The following TMEM108 variants were observed in gnomAD, a reference collection of about 807,000 sequenced individuals.
TMEM108 encodes the protein cancer/testis antigen 124.
In TMEM108, 12 loss-of-function variants were observed where a neutral mutation model predicts 35.1. The observed-to-expected ratio is 0.34, with a 90% CI of 0.22 to 0.55. The LOEUF (loss-of-function observed/expected upper bound fraction) is 0.55. Ranked by LOEUF, TMEM108 falls within the 20% of genes least tolerant of loss-of-function variation. TMEM108 has a pLI of 0.89. For synonymous variants in TMEM108, 287 were observed against 308.6 expected (o/e 0.93, Z 0.73); for missense variants, 680 against 753.3 (o/e 0.90, Z 1.14).
rs187753807 is a variant in TMEM108 at position 133,167,889 on chromosome 3, G to A, written c.-46-61377G>A. On this transcript the variant is annotated intron_variant, in intron 2 of 5. Transcript: ENST00000321871. ...CTCAAGTGTGGCCAGAGTGGGCACC[G>A]AGGCTGAGGAGGCACCGAGAGCGAG... Among the ~76,000 whole-genome samples the A allele has an allele frequency of 8.4e-3, 1,286 of 152,232 alleles. 25 individuals are homozygous for A. The highest frequency in any genetic ancestry group is 0.029 in the African/African-American group (1,190 of 41,532).
chr3:133,392,889 G>A (rs1354522591), intron 5 of TMEM108, among the ~76,000 whole-genome samples: 1 of 152,178 alleles, frequency 6.6e-6, no homozygotes, highest in Non-Finnish European at 1.5e-5. Context: ...CTTGCCTTCT[G>A]CAGTCTGCCC....
At chr3:133,166,850 C>T (rs1242748584) in intron 2 of TMEM108, among the ~76,000 whole-genome samples, 1 of 152,220 alleles carries the variant, frequency 6.6e-6, no homozygotes, top group Non-Finnish European at 1.5e-5. Flanking sequence ...GCTTAGGCAG[C>T]CTGCTTTTAT....
chr3:133,054,619 C>T (rs1943443839), intron 2 of TMEM108, among the ~76,000 whole-genome samples: 1 of 152,168 alleles, frequency 6.6e-6, no homozygotes, highest in Non-Finnish European at 1.5e-5. Context: ...TCACTTTCTC[C>T]CTGAACTTGG....
intron 2 of TMEM108, among the ~76,000 whole-genome samples, chr3:133,222,080 AG>A (rs1946000645): frequency 6.6e-6 from 1 of 152,172 alleles, no homozygotes; most frequent in Admixed American, 6.5e-5. Flanking sequence ...AACTCCCTTT[AG>A]CAGTTCTTGT....
At chr3:133,050,613 T>C (rs1943392905) in intron 2 of TMEM108, among the ~76,000 whole-genome samples, 1 of 152,080 alleles carries the variant, frequency 6.6e-6, no homozygotes, top group African/African-American at 2.4e-5. Context: ...ATCATTATAG[T>C]CTATAGGTAT....
chr3:133,381,049 C>G lies in TMEM108; in HGVS notation c.1338C>G (p.Asn446Lys). The change falls in exon 4 of 6, where the codon AAC (asparagine) becomes AAG (lysine). Residue 446 changes from asparagine to lysine, a missense_variant. This residue lies in a region of TMEM108 where 526 missense variants were observed against 532.1 expected (regional missense o/e 0.99). Transcript: ENST00000321871. ...AGTWKPGTAGNISHVAEGDKP... is the reference protein window; with the variant it reads ...AGTWKPGTAGKISHVAEGDKP... ...CCTGGAAGCCTGGGACAGCAGGGAA[C>G]ATCTCCCATGTGGCCGAGGGGGACA... The G allele has an allele frequency of 6.2e-7, 1 of 1,614,232 alleles. No homozygotes were observed. Among genetic ancestry groups the G allele is most frequent in the East Asian group, 2.2e-5 (1 of 44,876 alleles).
At chr3:133,146,598 C>T (rs140954665) in intron 2 of TMEM108, among the ~76,000 whole-genome samples, 2 of 152,008 alleles carry the variant, frequency 1.3e-5, no homozygotes, top group East Asian at 1.9e-4. Context: ...TGGTCATGGG[C>T]TTTTTTTAGT....
At chr3:133,322,386 T>G (rs1400903394) in intron 3 of TMEM108, among the ~76,000 whole-genome samples, 1 of 152,232 alleles carries the variant, frequency 6.6e-6, no homozygotes, top group East Asian at 1.9e-4. Flanking sequence ...TCAACACTAC[T>G]ATGAACACCT....
At chr3:133,160,688 C>G (rs17361745) in intron 2 of TMEM108, among the ~76,000 whole-genome samples, 15,969 of 152,256 alleles carry the variant, frequency 0.1, 1,021 homozygotes, top group South Asian at 0.17. Context: ...GCTAACCTAT[C>G]TGTGCCTTCA....
intron 3 of TMEM108, among the ~76,000 whole-genome samples, chr3:133,352,096 A>C (rs1363797031): frequency 6.6e-6 from 1 of 152,156 alleles, no homozygotes; most frequent in Non-Finnish European, 1.5e-5. Flanking sequence ...GACCACTTTG[A>C]GCATCTTATT....
intron 2 of TMEM108, among the ~76,000 whole-genome samples, chr3:133,156,944 C>T (rs1944890718): frequency 6.6e-6 from 1 of 152,160 alleles, no homozygotes; most frequent in Non-Finnish European, 1.5e-5. Context: ...CTATGATGAG[C>T]AAAGCCCCCA....
chr3:133,095,664 T>C (rs1944003039), intron 2 of TMEM108, among the ~76,000 whole-genome samples: 1 of 152,076 alleles, frequency 6.6e-6, no homozygotes, highest in Admixed American at 6.6e-5. Context: ...GCAACCTAGA[T>C]CCCTTGCATG....
At chr3:133,066,631 A>G (rs559141665) in intron 2 of TMEM108, among the ~76,000 whole-genome samples, 35 of 152,286 alleles carry the variant, frequency 2.3e-4, no homozygotes, top group Admixed American at 1.7e-3. Flanking sequence ...TCCTTCTTCT[A>G]TAGTTTACTC....
At chr3:133,105,450 C>T (rs545880996) in intron 2 of TMEM108, among the ~76,000 whole-genome samples, 3 of 152,274 alleles carry the variant, frequency 2.0e-5, no homozygotes, top group Middle Eastern at 3.4e-3. Flanking sequence ...CTCTTCTGGC[C>T]TTCCTCTTCT....
intron 2 of TMEM108, among the ~76,000 whole-genome samples, chr3:133,123,878 G>T (rs1017510436): frequency 6.6e-6 from 1 of 152,144 alleles, no homozygotes; most frequent in African/African-American, 2.4e-5. Flanking sequence ...GAAGAAAGTT[G>T]GCTGCAGGTA....
At chr3:133,344,770 G>T (rs2071766624) in intron 3 of TMEM108, among the ~76,000 whole-genome samples, 3 of 151,704 alleles carry the variant, frequency 2.0e-5, no homozygotes, top group South Asian at 2.1e-4. Context: ...TATTACAGAT[G>T]AGGAAACTTT....
At chr3:133,351,671 A>G (rs2072001918) in intron 3 of TMEM108, among the ~76,000 whole-genome samples, 3 of 152,140 alleles carry the variant, frequency 2.0e-5, no homozygotes, top group Admixed American at 6.5e-5. Context: ...GCACTTTCCT[A>G]TATTATCACA....
chr3:133,391,024 G>A (rs376005394), intron 5 of TMEM108, among the ~76,000 whole-genome samples: 12 of 152,290 alleles, frequency 7.9e-5, no homozygotes, highest in East Asian at 3.9e-4. Flanking sequence ...GGAGGGTGGC[G>A]TAGAGGCCAG....
chr3:133,309,660 T>C (rs932650396), intron 3 of TMEM108, among the ~76,000 whole-genome samples: 3 of 149,658 alleles, frequency 2.0e-5, no homozygotes, highest in Non-Finnish European at 4.5e-5. Context: ...TTCCGTGTAG[T>C]TATGCGGGTT....
Sources: allele counts gnomAD v4.1 joint callset (sites outside exome capture counted in the v4.1 genomes callset), GRCh38; gene constraint gnomAD v4.1.1; regional missense constraint gnomAD v4.1.1; transcripts MANE v1.5; gene names NCBI Gene and HGNC (gene_info 2026-07-23, HGNC 2026-07-21).